FNDC3A: variants seen among roughly 807,000 people sequenced by gnomAD.
FNDC3A encodes the protein fibronectin type III domain containing 3A, also known as fibronectin type-III domain-containing protein 3A.
FNDC3A carries 32 observed loss-of-function variants against 148.9 expected under a neutral mutation model. The ratio of observed to expected loss-of-function variants is 0.21; its 90% CI spans 0.16 to 0.29. The LOEUF (loss-of-function observed/expected upper bound fraction) is 0.29. FNDC3A is among the 10% of genes least tolerant of loss of function. FNDC3A has a pLI of 1.00. For synonymous variants in FNDC3A, 472 were observed against 473.6 expected, an observed-to-expected ratio of 1.00 and a Z score of 0.04; for missense variants, 1,191 against 1,452.8, an observed-to-expected ratio of 0.82 and a Z score of 2.93.
intron 2 of FNDC3A, among the ~76,000 whole-genome samples, chr13:49,013,614 G>GTGTACACGTGTATACATGTATACA (rs1952416390): frequency 1.3e-5 from 2 of 151,174 alleles, no homozygotes; most frequent in Admixed American, 6.6e-5. Context: ...GTGTATACAT[G>GTGTACACGTGTATACATGTATACA]TGTACACGTG....
At chr13:49,086,568 GA>G (rs1166361546) in intron 3 of FNDC3A, among the ~76,000 whole-genome samples, 1 of 152,126 alleles carries the variant, frequency 6.6e-6, no homozygotes, top group Non-Finnish European at 1.5e-5. Flanking sequence ...CAGCAAATCA[GA>G]CCAAGTTCTA....
At position 49,131,222 on chromosome 13, in the gene FNDC3A, G is replaced by A. The variant is rs146408119; in HGVS notation, c.338G>A (p.Arg113His). Residue 113 changes from arginine (R) to histidine (H), a missense_variant, in exon 5 of 26, where the codon CGT becomes CAT. Arg to His is a conservative substitution (Grantham distance 29). Coordinates refer to ENST00000492622, the MANE Select transcript of FNDC3A (RefSeq NM_001079673.2). Reference protein sequence around the residue: ...FHPGSHTVLHRSPHPPLPGFI... With the variant: ...FHPGSHTVLHHSPHPPLPGFI... Reference sequence around the variant, plus strand: ...CCTGGTAGTCACACAGTTCTCCACCGTTCTCCACATCCTCCTCTACCTGGT... The same window carrying A: ...CCTGGTAGTCACACAGTTCTCCACCATTCTCCACATCCTCCTCTACCTGGT... 9.9e-6 allele frequency: 16 copies of A among 1,613,980 alleles called. No homozygotes were observed. In the East Asian group the frequency reaches 1.8e-4, roughly 18 times the overall value.
intron 3 of FNDC3A, among the ~76,000 whole-genome samples, chr13:49,099,991 T>G (rs1432066639): frequency 6.6e-6 from 1 of 152,108 alleles, no homozygotes; most frequent in Non-Finnish European, 1.5e-5. Context: ...GCAATTTTAT[T>G]TTAAAAATTA....
At chr13:49,161,564 G>A (rs1884121820) in intron 8 of FNDC3A, among the ~76,000 whole-genome samples, 1 of 152,142 alleles carries the variant, frequency 6.6e-6, no homozygotes, top group Admixed American at 6.5e-5. Flanking sequence ...TATCCAGTTT[G>A]CCAGTCTGTG....
intron 10 of FNDC3A, among the ~76,000 whole-genome samples, chr13:49,170,885 G>A (rs1170361577): frequency 6.6e-6 from 1 of 152,184 alleles, no homozygotes. Context: ...AATCAAGTAA[G>A]TGTGAGAGAC....
intron 25 of FNDC3A, 137 bp from the exon 26 acceptor site, chr13:49,206,944 T>C (rs1404093731): frequency 1.6e-6 from 1 of 642,756 alleles, no homozygotes. Context: ...CAGGTATTTT[T>C]AACATGTCAT....
At chr13:48,978,882 A>G (rs1316677368) in intron 1 of FNDC3A, among the ~76,000 whole-genome samples, 2 of 152,178 alleles carry the variant, frequency 1.3e-5, no homozygotes, top group Admixed American at 1.3e-4. Flanking sequence ...GTTGAAAGGC[A>G]AATTTTGTAC....
chr13:48,982,235 A>C (rs1951706511), intron 1 of FNDC3A, among the ~76,000 whole-genome samples: 1 of 152,094 alleles, frequency 6.6e-6, no homozygotes, highest in Admixed American at 6.6e-5. Flanking sequence ...TTGCGATTTT[A>C]TGTTTAAATT....
At chr13:49,010,991 A>G (rs1566188561) in intron 2 of FNDC3A, among the ~76,000 whole-genome samples, 1 of 151,964 alleles carries the variant, frequency 6.6e-6, no homozygotes, top group Non-Finnish European at 1.5e-5. Flanking sequence ...TTTAGTTTTC[A>G]GTATCAGATT....
intron 19 of FNDC3A, 27 bp downstream of exon 19, chr13:49,191,411 T>C (rs558456735): frequency 3.9e-6 from 6 of 1,521,078 alleles, no homozygotes; most frequent in South Asian, 1.3e-5. Context: ...GGTAGAATTA[T>C]AATCACAATG....
chr13:49,181,912 A>G (rs1022566526), intron 14 of FNDC3A, among the ~76,000 whole-genome samples: 1 of 152,236 alleles, frequency 6.6e-6, no homozygotes, highest in African/African-American at 2.4e-5. Context: ...GGGATAACCA[A>G]AATACTAAAA....
At chr13:49,206,971 A>G (rs1332113011) in intron 25 of FNDC3A, 110 bp from the exon 26 acceptor site, 4 of 704,002 alleles carry the variant, frequency 5.7e-6, no homozygotes, top group South Asian at 1.8e-5. Context: ...GATAAAATCA[A>G]TGGCATTCAC....
At chr13:49,082,621 A>G (rs960224619) in intron 3 of FNDC3A, among the ~76,000 whole-genome samples, 5 of 151,974 alleles carry the variant, frequency 3.3e-5, no homozygotes, top group Admixed American at 6.6e-5. Context: ...GCAGAACAAT[A>G]TAGGCAGTGC....
At chr13:49,036,530 G>A (rs1449256614) in intron 2 of FNDC3A, among the ~76,000 whole-genome samples, 1 of 152,132 alleles carries the variant, frequency 6.6e-6, no homozygotes, top group East Asian at 1.9e-4. Flanking sequence ...GCAAACATTT[G>A]TTCAACCTAT....
At chr13:49,170,432 A>G (rs529021457) in intron 10 of FNDC3A, among the ~76,000 whole-genome samples, 1 of 152,296 alleles carries the variant, frequency 6.6e-6, no homozygotes, top group East Asian at 1.9e-4. Flanking sequence ...GGTGGTTAAC[A>G]TGGGAGATAG....
chr13:49,161,556 T>C lies in FNDC3A; in HGVS notation c.978-5688T>C, dbSNP rs1231971564. On this transcript the variant is annotated intron_variant, in intron 8 of 25. Transcript: ENST00000492622. ...CACACTGATGGGTCCTGACTGTTTA[T>C]CCAGTTTGCCAGTCTGTGTTTTTTA... is the stretch of plus-strand genomic sequence containing the variant. Among the ~76,000 whole-genome samples, 3 of 152,188 alleles carry C rather than the reference T, an allele frequency of 2.0e-5. No homozygotes were observed. In the East Asian group the frequency reaches 5.8e-4, roughly 29 times the overall value.
chr13:49,137,852 C>T (rs1269397453), intron 6 of FNDC3A, among the ~76,000 whole-genome samples: 1 of 152,110 alleles, frequency 6.6e-6, no homozygotes, highest in Non-Finnish European at 1.5e-5. Context: ...TGACTATTAT[C>T]TGTTTGACGT....
chr13:49,067,128 A>G (rs923727233), intron 2 of FNDC3A, among the ~76,000 whole-genome samples: 4 of 152,218 alleles, frequency 2.6e-5, no homozygotes, highest in African/African-American at 9.6e-5. Flanking sequence ...TTAATTGGCT[A>G]TTCTACTAAA....
intron 8 of FNDC3A, among the ~76,000 whole-genome samples, chr13:49,149,425 C>T (rs1883167700): frequency 6.6e-6 from 1 of 152,020 alleles, no homozygotes; most frequent in African/African-American, 2.4e-5. Flanking sequence ...TGAATTTTAT[C>T]AAAATTTCTC....
Sources: allele counts gnomAD v4.1 joint callset (sites outside exome capture counted in the v4.1 genomes callset), GRCh38; gene constraint gnomAD v4.1.1; transcripts MANE v1.5; gene names NCBI Gene and HGNC (gene_info 2026-07-23, HGNC 2026-07-21).